Variants in HTT observed in about 807,000 individuals in gnomAD.
HTT encodes the protein huntington disease protein.
In HTT, 104 loss-of-function variants were observed where a neutral mutation model predicts 362.3. That is an observed-to-expected ratio of 0.29 (90% CI 0.24 to 0.34). HTT has a LOEUF of 0.34. Among genes scored for constraint, HTT ranks in the 10% least tolerant of loss-of-function variants. HTT has a pLI of 1.00. For synonymous variants in HTT, 1,577 were observed against 1,548.7 expected (o/e 1.02, Z -0.43); for missense variants, 3,301 against 3,928.6 (o/e 0.84, Z 4.27).
chr4:3,143,018 A>G (rs1716421489), intron 23 of HTT, 132 bp downstream of exon 23: 1 of 626,246 alleles, frequency 1.6e-6, no homozygotes, highest in Admixed American at 2.5e-5. Flanking sequence ...GAGGCTTGCT[A>G]AGAAATTGTG....
chr4:3,103,067 G>T (rs1302234620), intron 3 of HTT, among the ~76,000 whole-genome samples: 1 of 151,884 alleles, frequency 6.6e-6, no homozygotes, highest in East Asian at 1.9e-4. Context: ...AGGGTCTGTG[G>T]TTTATAAGTA....
In HTT at chr4:3,182,427, G is replaced by T. The variant is rs899196481; in HGVS notation, c.4823G>T (p.Arg1608Leu). 6.2e-7 allele frequency: 1 copy of T among 1,614,010 alleles called. No homozygotes were observed. Among genetic ancestry groups the T allele is most frequent in the Non-Finnish European group, 8.5e-7 (1 of 1,179,878 alleles). Residue 1608 changes from arginine to leucine, a missense_variant, in exon 37 of 67, where the codon CGA becomes CTA. Arg to Leu is a moderately radical substitution (Grantham distance 102, BLOSUM62 -2). Transcript: ENST00000355072. Reference sequence around the variant, plus strand: ...GAAGACAAGTGGAAGCGACTGTCTCGACAGATAGCTGACATCATCCTCCCA... The same window carrying T: ...GAAGACAAGTGGAAGCGACTGTCTCTACAGATAGCTGACATCATCCTCCCA... The part of the protein sequence containing the change: ...ENEDKWKRLS[R>L]QIADIILPML...
chr4:3,087,023 G>A lies in HTT; in HGVS notation c.347+1G>A. ...AAAACATAGTGGCACAGTCTGTCAG[G>A]TAATTGCACTTTGAACTGTCTAGAG... On this transcript the variant is annotated splice_donor_variant, in intron 2 of 66. Coordinates refer to ENST00000355072, the MANE Select transcript of HTT (RefSeq NM_001388492.1). LOFTEE classifies it high-confidence loss of function. 1 of 1,554,578 alleles carries A rather than the reference G, an allele frequency of 6.4e-7. No individual in the cohort carries two copies. Among genetic ancestry groups the A allele is most frequent in the Non-Finnish European group, 8.9e-7 (1 of 1,126,808 alleles).
At chr4:3,099,159 T>G in intron 2 of HTT, 115 bp from the exon 3 acceptor site, 1 of 646,890 alleles carries the variant, frequency 1.5e-6, no homozygotes, top group Non-Finnish European at 2.7e-6. Flanking sequence ...TTAATTTCTA[T>G]GTAATGTCCT....
intron 29 of HTT, among the ~76,000 whole-genome samples, chr4:3,169,412 T>C (rs1234635150): frequency 1.3e-5 from 2 of 152,172 alleles, no homozygotes; most frequent in African/African-American, 4.8e-5. Context: ...GATTGCTTAG[T>C]GTTGTCCCAT....
intron 55 of HTT, among the ~76,000 whole-genome samples, chr4:3,223,766 TG>T (rs1171732898): frequency 2.0e-5 from 3 of 152,064 alleles, no homozygotes; most frequent in Non-Finnish European, 4.4e-5. Flanking sequence ...GGAACTGACG[TG>T]GGGTTATTGA....
Position 3,223,398 on chromosome 4 carries a change from C to T in HTT, c.7471-8C>T, listed in dbSNP as rs1468150978. 6.4e-7 allele frequency: 1 copy of T among 1,570,578 alleles called. No individual in the cohort carries two copies. Among genetic ancestry groups the T allele is most frequent in the East Asian group, 2.3e-5 (1 of 43,504 alleles). On this transcript the variant is annotated splice_region_variant and splice_polypyrimidine_tract_variant and intron_variant, in intron 54 of 66. Transcript: ENST00000355072. ...CTGCTCTTGTTGACATGTGGGCTCT[C>T]CTTCCAGGAAGACACAGAGAGGACC... is the stretch of plus-strand genomic sequence containing the variant.
intron 31 of HTT, among the ~76,000 whole-genome samples, chr4:3,173,540 A>T (rs777270333): frequency 2.0e-5 from 3 of 152,222 alleles, no homozygotes; most frequent in Non-Finnish European, 4.4e-5. Context: ...TGTAACAAGG[A>T]TGAAAGAACA....
At chr4:3,163,271 G>A (rs1717531950) in intron 29 of HTT, among the ~76,000 whole-genome samples, 2 of 152,354 alleles carry the variant, frequency 1.3e-5, no homozygotes, top group Non-Finnish European at 1.5e-5. Flanking sequence ...TTCCAGGGAT[G>A]AAGCTGACTT....
At chr4:3,075,520 C>G (rs1173968884) in intron 1 of HTT, among the ~76,000 whole-genome samples, 1 of 152,040 alleles carries the variant, frequency 6.6e-6, no homozygotes, top group South Asian at 2.1e-4. Flanking sequence ...CTTCCCTCTT[C>G]TAGTCTGAGA....
rs367944462 is a variant in HTT at position 3,206,595 on chromosome 4, A to C, written c.5818A>C (p.Ile1940Leu). The change falls in exon 43 of 67, where the codon ATC (isoleucine) becomes CTC (leucine). Residue 1940 changes from isoleucine (I) to leucine (L), a missense_variant. By Grantham distance (5) the Ile-to-Leu change is conservative. Coordinates refer to ENST00000355072, the MANE Select transcript of HTT (RefSeq NM_001388492.1). The surrounding 1 kb of genome is among the most constrained non-coding windows in gnomAD (Gnocchi z 4.6). ...CCACGAGCCTCCAGTACAGGACTTCATCAGTGCCGTTCATCGGAACTCTGC... is the reference window on the plus strand; with the variant it reads ...CCACGAGCCTCCAGTACAGGACTTCCTCAGTGCCGTTCATCGGAACTCTGC... ...LSHEPPVQDF[I>L]SAVHRNSAAS... 50 of 1,614,070 alleles carry C rather than the reference A, an allele frequency of 3.1e-5. No individual in the cohort carries two copies. The highest frequency in any genetic ancestry group is 5.1e-6 in the Non-Finnish European group (6 of 1,180,036).
chr4:3,097,571 G>A (rs1427773052), intron 2 of HTT, among the ~76,000 whole-genome samples: 2 of 152,196 alleles, frequency 1.3e-5, no homozygotes, highest in Non-Finnish European at 2.9e-5. Context: ...GGCGGAGGTT[G>A]CAGTGAGCTG....
At chr4:3,110,220 A>G (rs1345932872) in intron 6 of HTT, among the ~76,000 whole-genome samples, 1 of 152,114 alleles carries the variant, frequency 6.6e-6, no homozygotes, top group Non-Finnish European at 1.5e-5. Context: ...TAATCTTCAC[A>G]TCTGTTTTCT....
intron 41 of HTT, among the ~76,000 whole-genome samples, chr4:3,202,790 T>G (rs891513758): frequency 1.1e-4 from 17 of 152,022 alleles, no homozygotes; most frequent in Non-Finnish European, 1.8e-4. Context: ...AGTGGGAGGA[T>G]GACTTGAGGC....
At chr4:3,200,447 G>C (rs1314510200) in intron 41 of HTT, among the ~76,000 whole-genome samples, 1 of 152,134 alleles carries the variant, frequency 6.6e-6, no homozygotes, top group Non-Finnish European at 1.5e-5. Context: ...AGGTTTTCAG[G>C]CTTAAGCTCC....
Position 3,199,881 on chromosome 4 carries a change from C to A in HTT, c.5518C>A (p.Leu1840Met), listed in dbSNP as rs759944153. 6.2e-7 allele frequency: 1 copy of A among 1,614,180 alleles called. No individual in the cohort carries two copies. Among genetic ancestry groups the A allele is most frequent in the South Asian group, 1.1e-5 (1 of 91,080 alleles). Residue 1840 changes from leucine (L) to methionine (M), a missense_variant, in exon 41 of 67, where the codon CTG (leucine) becomes ATG (methionine). By Grantham distance (15) the Leu-to-Met change is conservative (BLOSUM62 2). Around this residue, in one of 4 missense-constraint regions of HTT, gnomAD observed 2,316 missense variants for 2,658.5 expected, o/e 0.87. Coordinates refer to ENST00000355072, the MANE Select transcript of HTT (RefSeq NM_001388492.1). ...CCTGGTGCTGCTCTGGTGTCAGATA[C>A]TGCTGCTTGTCAACCACACCGACTA... is the stretch of plus-strand genomic sequence containing the variant. Reference protein sequence around the residue: ...PALVLLWCQILLLVNHTDYRW... With the variant: ...PALVLLWCQIMLLVNHTDYRW...
intron 10 of HTT, chr4:3,123,474 C>T (rs1447434662): frequency 6.6e-6 from 1 of 152,194 alleles, no homozygotes; most frequent in African/African-American, 2.4e-5. Flanking sequence ...TATTAAGTAG[C>T]TTCTTTTCCA....
At chr4:3,140,449 G>A (rs1716289272) in intron 21 of HTT, 61 bp from the exon 22 acceptor site, 1 of 1,458,582 alleles carries the variant, frequency 6.9e-7, no homozygotes, top group Non-Finnish European at 9.5e-7. Context: ...GGAGGAGGGT[G>A]GTCTATCACA....
intron 6 of HTT, among the ~76,000 whole-genome samples, chr4:3,109,066 AAT>A (rs200341926): frequency 0.042 from 3,565 of 84,016 alleles, 61 homozygotes; most frequent in Non-Finnish European, 0.059. Context: ...AAAAAAAAAA[AAT>A]ATATATATAT....
Sources: gnomAD v4.1 joint callset for allele counts (sites outside exome capture counted in the v4.1 genomes callset) on GRCh38, gnomAD v4.1.1 for gene constraint, gnomAD v4.1.1 regional missense constraint, Gnocchi (gnomAD v3.1) non-coding constraint, MANE v1.5 for transcripts, NCBI Gene and HGNC (gene_info 2026-07-23, HGNC 2026-07-21) for gene names.